The following GATAD2B variants were observed in gnomAD, a reference collection of about 807,000 sequenced individuals.
GATAD2B encodes the protein GATA zinc finger domain containing 2B.
A neutral mutation model predicts 64.3 loss-of-function variants in GATAD2B; 8 were observed. That is an observed-to-expected ratio of 0.12 (90% CI 0.07 to 0.22). GATAD2B has a LOEUF of 0.22. GATAD2B is among the 10% of genes least tolerant of loss of function. GATAD2B has a pLI of 1.00. For synonymous variants in GATAD2B, 281 were observed against 271.3 expected (o/e 1.04, Z -0.35); for missense variants, 453 against 752.0 (o/e 0.60, Z 4.65).
intron 2 of GATAD2B, among the ~76,000 whole-genome samples, chr1:153,825,678 G>A (rs960923815): frequency 3.3e-5 from 5 of 152,028 alleles, no homozygotes; most frequent in Middle Eastern, 3.2e-3. Context: ...CACCCGCCTC[G>A]GCCTCAAAGT....
At chr1:153,914,049 C>G (rs185975037) in intron 1 of GATAD2B, among the ~76,000 whole-genome samples, 113 of 151,824 alleles carry the variant, frequency 7.4e-4, no homozygotes, top group Non-Finnish European at 5.3e-4. Flanking sequence ...TCGAGACCAG[C>G]CTGGCCAACA....
intron 7 of GATAD2B, among the ~76,000 whole-genome samples, chr1:153,815,102 A>AAAAC (rs1674415575): frequency 7.0e-6 from 1 of 143,614 alleles, no homozygotes; most frequent in South Asian, 2.2e-4. Flanking sequence ...AAAAAAAAAA[A>AAAAC]AAAAAAAAAA....
Position 153,861,791 on chromosome 1 carries a change from A to AT in GATAD2B, c.-1-33444_-1-33443insA, listed in dbSNP as rs1466092463. On this transcript the variant is annotated intron_variant, in intron 1 of 10. Transcript: ENST00000368655. ...AGCGAGACTCCATTTCAAAAAAAAA[A>AT]AAAAATATATATATATATACACATA... Among the ~76,000 whole-genome samples, 280 of 87,078 alleles carry AT rather than the reference A, an allele frequency of 3.2e-3. 6 individuals carry two copies. The highest frequency in any genetic ancestry group is 4.2e-3 in the African/African-American group (110 of 26,102). 57.1% of individuals were successfully genotyped at this position (87,078 alleles called of 152,430 possible).
intron 1 of GATAD2B, among the ~76,000 whole-genome samples, chr1:153,853,571 G>C (rs948353472): frequency 3.9e-5 from 6 of 152,138 alleles, no homozygotes; most frequent in Admixed American, 3.9e-4. Flanking sequence ...ACATTTTGTA[G>C]ATTGCCTTTC....
intron 1 of GATAD2B, among the ~76,000 whole-genome samples, chr1:153,848,100 C>T (rs1172575847): frequency 1.3e-5 from 2 of 152,118 alleles, no homozygotes; most frequent in Non-Finnish European, 2.9e-5. Flanking sequence ...GAGAATCATC[C>T]CCTCACCATA....
At chr1:153,863,413 T>C (rs918521844) in intron 1 of GATAD2B, among the ~76,000 whole-genome samples, 1 of 151,486 alleles carries the variant, frequency 6.6e-6, no homozygotes, top group African/African-American at 2.4e-5. Context: ...GGAGAATCAC[T>C]TGAACCCAGG....
At chr1:153,877,336 C>G (rs1171032908) in intron 1 of GATAD2B, among the ~76,000 whole-genome samples, 1 of 151,922 alleles carries the variant, frequency 6.6e-6, no homozygotes, top group Non-Finnish European at 1.5e-5. Flanking sequence ...GAGTGAGACC[C>G]TGTCTCTAAT....
chr1:153,902,441 C>CTA (rs1454172751), intron 1 of GATAD2B, among the ~76,000 whole-genome samples: 1 of 151,830 alleles, frequency 6.6e-6, no homozygotes, highest in Non-Finnish European at 1.5e-5. Context: ...CATATTATAC[C>CTA]TAGTATTATA....
At chr1:153,813,558 G>C (rs1243834533) in intron 7 of GATAD2B, 106 bp from the exon 8 acceptor site, 2 of 745,522 alleles carry the variant, frequency 2.7e-6, no homozygotes, top group East Asian at 5.3e-5. Context: ...ATTAAAGAAA[G>C]AGACTTTACA....
chr1:153,833,795 A>G (rs1430061362), intron 1 of GATAD2B, among the ~76,000 whole-genome samples: 1 of 132,690 alleles, frequency 7.5e-6, no homozygotes, highest in Non-Finnish European at 1.6e-5. Context: ...GGGCAACGAG[A>G]GCAAAACTCA....
chr1:153,883,700 G>A (rs1003241818), intron 1 of GATAD2B, among the ~76,000 whole-genome samples: 4 of 151,342 alleles, frequency 2.6e-5, no homozygotes, highest in African/African-American at 9.7e-5. Context: ...GACTGCACTG[G>A]TCTTTTTTTT....
intron 1 of GATAD2B, among the ~76,000 whole-genome samples, chr1:153,871,869 G>C (rs1014674598): frequency 6.6e-6 from 1 of 152,192 alleles, no homozygotes; most frequent in African/African-American, 2.4e-5. Context: ...AGGATCACTT[G>C]AACCCAGTAG....
chr1:153,829,083 T>G (rs529595138), intron 1 of GATAD2B, among the ~76,000 whole-genome samples: 3 of 151,976 alleles, frequency 2.0e-5, no homozygotes, highest in Non-Finnish European at 4.4e-5. Flanking sequence ...CACATGCCTG[T>G]AGTCCCAGCT....
At chr1:153,815,293 C>CAAAAAAAAAAAAAAAAAAAAAA (rs71093285) in intron 7 of GATAD2B, among the ~76,000 whole-genome samples, 4 of 111,828 alleles carry the variant, frequency 3.6e-5, no homozygotes, top group Non-Finnish European at 5.4e-5. Context: ...AAAAAAAAAA[C>CAAAAAAAAAAAAAAAAAAAAAA]AAAAAAAAAA....
chr1:153,862,690 T>C (rs1341312700), intron 1 of GATAD2B, among the ~76,000 whole-genome samples: 1 of 152,018 alleles, frequency 6.6e-6, no homozygotes, highest in East Asian at 1.9e-4. Context: ...AAAGCGTTAA[T>C]TTGCCACTGC....
chr1:153,922,422 G>C (rs957622365), intron 1 of GATAD2B, among the ~76,000 whole-genome samples: 1 of 151,240 alleles, frequency 6.6e-6, no homozygotes, highest in African/African-American at 2.4e-5. Flanking sequence ...GAGACGAAAT[G>C]AAGGGACACG....
At chr1:153,894,238 C>A (rs1570995998) in intron 1 of GATAD2B, among the ~76,000 whole-genome samples, 2 of 151,960 alleles carry the variant, frequency 1.3e-5, no homozygotes, top group Admixed American at 6.6e-5. Flanking sequence ...GAGGTTGAGG[C>A]GGGCAGATCA....
At chr1:153,917,036 G>A (rs1483594787) in intron 1 of GATAD2B, among the ~76,000 whole-genome samples, 3 of 150,914 alleles carry the variant, frequency 2.0e-5, no homozygotes, top group South Asian at 4.2e-4. Context: ...TTGAACTCCT[G>A]ACCTCGTGAT....
chr1:153,835,708 T>A (rs1675237599), intron 1 of GATAD2B, among the ~76,000 whole-genome samples: 1 of 152,110 alleles, frequency 6.6e-6, no homozygotes. Context: ...AATGTAAACA[T>A]AACTTTTATT....
Sources: allele counts gnomAD v4.1 joint callset (sites outside exome capture counted in the v4.1 genomes callset), GRCh38; gene constraint gnomAD v4.1.1; transcripts MANE v1.5; gene names NCBI Gene and HGNC (gene_info 2026-07-23, HGNC 2026-07-21).